VAV2: variants seen among roughly 807,000 people sequenced by gnomAD.
The protein encoded by VAV2 is vav guanine nucleotide exchange factor 2.
A neutral mutation model predicts 132.5 loss-of-function variants in VAV2; 67 were observed. The observed-to-expected ratio is 0.51, with a 90% CI of 0.42 to 0.62. The LOEUF (loss-of-function observed/expected upper bound fraction) is 0.62, where lower values mean the gene tolerates loss of function less well. VAV2 is among the 20% of genes least tolerant of loss of function. The pLI is 0.00. For synonymous variants in VAV2, 492 were observed against 443.5 expected, an observed-to-expected ratio of 1.11 and a Z score of -1.37; for missense variants, 938 against 1,153.6, an observed-to-expected ratio of 0.81 and a Z score of 2.71.
chr9:133,835,009 A>AGTTCAC (rs1286722872), intron 3 of VAV2, among the ~76,000 whole-genome samples: 14 of 152,218 alleles, frequency 9.2e-5, no homozygotes, highest in Non-Finnish European at 1.2e-4. Context: ...TCCGCCCTCC[A>AGTTCAC]GATGCCCCAA....
rs1234193580 is a variant in VAV2, at chr9:133,969,973, C to A, written c.204+22102G>T. On this transcript the variant is annotated intron_variant, in intron 1 of 29. Coordinates refer to ENST00000371850, the MANE Select transcript of VAV2 (RefSeq NM_001134398.2). The surrounding 1 kb of genome is among the most constrained non-coding windows in gnomAD (Gnocchi z 5.1). Reference sequence around the variant, plus strand: ...TGAAGCCGGCCCTGCCTCCCTGCAGCCTTCAAGGCAGTGACTCAGAGTTCC... The same window carrying A: ...TGAAGCCGGCCCTGCCTCCCTGCAGACTTCAAGGCAGTGACTCAGAGTTCC... Among the ~76,000 whole-genome samples, 1 of 152,142 alleles carries A rather than the reference C, an allele frequency of 6.6e-6. No homozygotes were observed. The highest frequency in any genetic ancestry group is 1.5e-5 in the Non-Finnish European group (1 of 67,998).
At position 133,982,210 on chromosome 9, in the gene VAV2, T is replaced by C. The variant is rs187576896; in HGVS notation, c.204+9865A>G. On this transcript the variant is annotated intron_variant, in intron 1 of 29. Coordinates refer to ENST00000371850, the MANE Select transcript of VAV2 (RefSeq NM_001134398.2). Reference sequence around the variant, plus strand: ...CCCTGAACTGGGAGGCACAGGAAGGTGGCCAGTGTGCCTGAGGCTGGGGCA... The same window carrying C: ...CCCTGAACTGGGAGGCACAGGAAGGCGGCCAGTGTGCCTGAGGCTGGGGCA... 1.4e-3 allele frequency among the ~76,000 whole-genome samples: 207 copies of C among 152,142 alleles called. 2 individuals are homozygous for C. Among genetic ancestry groups the C allele is most frequent in the African/African-American group, 4.8e-3 (199 of 41,544 alleles).
intron 2 of VAV2, among the ~76,000 whole-genome samples, chr9:133,906,137 G>T (rs1839644010): frequency 6.6e-6 from 1 of 152,202 alleles, no homozygotes; most frequent in South Asian, 2.1e-4. Flanking sequence ...CCCCAGTGTG[G>T]CGTGGATCCC....
At chr9:133,914,305 T>C (rs1006377011) in intron 2 of VAV2, among the ~76,000 whole-genome samples, 1 of 152,040 alleles carries the variant, frequency 6.6e-6, no homozygotes. Context: ...TGTTCAGAAA[T>C]GCACCGGGAC....
intron 1 of VAV2, among the ~76,000 whole-genome samples, chr9:133,948,258 G>A (rs745669180): frequency 3.3e-5 from 5 of 152,170 alleles, no homozygotes; most frequent in African/African-American, 4.8e-5. Flanking sequence ...TCCTTCGCTC[G>A]GGCCCATTTC....
rs753037163 is a variant in VAV2, at chr9:133,810,212, G to A, written c.553-7C>T. 2 of 1,613,470 alleles carry A rather than the reference G, an allele frequency of 1.2e-6. No individual in the cohort carries two copies. The highest frequency in any genetic ancestry group is 1.7e-6 in the Non-Finnish European group (2 of 1,179,850). Reference sequence around the variant, plus strand: ...TCACCTGCATGTATCTAATCTGCAAGCGTGGAGAAAGAACCAGAAACAGCG... The same window carrying A: ...TCACCTGCATGTATCTAATCTGCAAACGTGGAGAAAGAACCAGAAACAGCG... On this transcript the variant is annotated splice_region_variant and splice_polypyrimidine_tract_variant and intron_variant, in intron 5 of 29. Coordinates refer to ENST00000371850, the MANE Select transcript of VAV2 (RefSeq NM_001134398.2).
intron 2 of VAV2, among the ~76,000 whole-genome samples, chr9:133,906,852 G>A (rs907162301): frequency 2.0e-5 from 3 of 152,196 alleles, no homozygotes; most frequent in African/African-American, 7.2e-5. Context: ...CTCTACACCG[G>A]GGGCCACTCA....
chr9:133,815,258 C>T (rs569966211), intron 4 of VAV2, among the ~76,000 whole-genome samples: 7 of 152,174 alleles, frequency 4.6e-5, no homozygotes, highest in African/African-American at 9.6e-5. Flanking sequence ...TACAAGTCCA[C>T]GTCTGTGTAG....
intron 3 of VAV2, among the ~76,000 whole-genome samples, chr9:133,851,809 ATGG>A (rs1837185173): frequency 3.4e-5 from 5 of 148,562 alleles, no homozygotes; most frequent in South Asian, 2.2e-4. Flanking sequence ...AAATGGATGG[ATGG>A]ATGGATGGAT....
intron 1 of VAV2, among the ~76,000 whole-genome samples, chr9:133,981,296 C>G (rs549279133): frequency 6.6e-6 from 1 of 152,224 alleles, no homozygotes; most frequent in Non-Finnish European, 1.5e-5. Flanking sequence ...CTAGTGACCA[C>G]GACCACACCC....
chr9:133,841,952 G>A (rs1836742284), intron 3 of VAV2, among the ~76,000 whole-genome samples: 1 of 142,436 alleles, frequency 7.0e-6, no homozygotes, highest in Non-Finnish European at 1.5e-5. Flanking sequence ...ATCACAATTG[G>A]AAAAGCGCCC....
intron 1 of VAV2, among the ~76,000 whole-genome samples, chr9:133,952,222 G>A (rs913669008): frequency 6.6e-6 from 1 of 152,126 alleles, no homozygotes; most frequent in African/African-American, 2.4e-5. Context: ...GAATGGGTGG[G>A]CCCCAAGGAG....
At chr9:133,955,107 G>A (rs1299798773) in intron 1 of VAV2, among the ~76,000 whole-genome samples, 3 of 151,972 alleles carry the variant, frequency 2.0e-5, no homozygotes, top group Non-Finnish European at 2.9e-5. Flanking sequence ...GGGAGGCAGC[G>A]GTGAGGTCGC....
At position 133,777,427 on chromosome 9, in the gene VAV2, G is replaced by A; in HGVS notation, c.1927C>T (p.Pro643Ser). Residue 643 changes from proline to serine, a missense_variant, in exon 23 of 30, where the codon CCC (proline) becomes TCC (serine). Transcript: ENST00000371850. ...GGGCAGGGCTTCACAGATGAGCTGGGGAAATACCCTGACTTCCTGGTTTGT... is the reference window on the plus strand; with the variant it reads ...GGGCAGGGCTTCACAGATGAGCTGGAGAAATACCCTGACTTCCTGGTTTGT... ...LVQTRKSGYF[P>S]SSSVKPCPVD... The A allele has an allele frequency of 6.2e-7, 1 of 1,613,814 alleles. No homozygotes were observed. The highest frequency in any genetic ancestry group is 8.5e-7 in the Non-Finnish European group (1 of 1,180,022).
intron 4 of VAV2, among the ~76,000 whole-genome samples, chr9:133,831,605 C>T (rs1282564062): frequency 6.6e-6 from 1 of 152,138 alleles, no homozygotes; most frequent in African/African-American, 2.4e-5. Flanking sequence ...ACCCAGGAGG[C>T]TCCTACGGAG....
chr9:133,890,201 G>C (rs1048069307), intron 2 of VAV2, among the ~76,000 whole-genome samples: 1 of 152,190 alleles, frequency 6.6e-6, no homozygotes, highest in Non-Finnish European at 1.5e-5. Context: ...AGACTCCAGG[G>C]GGTGGAACCA....
At chr9:133,846,611 G>A (rs1016326265) in intron 3 of VAV2, among the ~76,000 whole-genome samples, 20 of 151,872 alleles carry the variant, frequency 1.3e-4, no homozygotes, top group African/African-American at 4.6e-4. Context: ...CAGTTCCCCA[G>A]GGCTTCTGCC....
At chr9:133,852,471 G>C (rs1411085432) in intron 3 of VAV2, among the ~76,000 whole-genome samples, 1 of 152,116 alleles carries the variant, frequency 6.6e-6, no homozygotes, top group Non-Finnish European at 1.5e-5. Context: ...TCCATTAGAT[G>C]AGCCAGAGAA....
chr9:133,884,128 G>C lies in VAV2; in HGVS notation c.322-22696C>G, dbSNP rs532075277. On this transcript the variant is annotated intron_variant, in intron 2 of 29. Coordinates refer to ENST00000371850, the MANE Select transcript of VAV2 (RefSeq NM_001134398.2). The surrounding 1 kb of genome is among the most constrained non-coding windows in gnomAD (Gnocchi z 5.3). The stretch of plus-strand genomic sequence containing the variant: ...GATTGCGCCACTGCATTCCAGCCTG[G>C]CAACAGCCAGACTCAGTCTCAACCA... Among the ~76,000 whole-genome samples, 149 of 151,860 alleles carry C rather than the reference G, an allele frequency of 9.8e-4. No individual in the cohort carries two copies. Among genetic ancestry groups the C allele is most frequent in the African/African-American group, 3.4e-3 (142 of 41,374 alleles).
Sources: gnomAD v4.1 joint callset for allele counts (sites outside exome capture counted in the v4.1 genomes callset) on GRCh38, gnomAD v4.1.1 for gene constraint, Gnocchi (gnomAD v3.1) non-coding constraint, MANE v1.5 for transcripts, NCBI Gene and HGNC (gene_info 2026-07-23, HGNC 2026-07-21) for gene names.